PDE2A: variants seen among roughly 807,000 people sequenced by gnomAD.
The protein encoded by PDE2A is cGMP-dependent 3',5'-cyclic phosphodiesterase.
In PDE2A, 53 loss-of-function variants were observed where a neutral mutation model predicts 133.6. The ratio of observed to expected loss-of-function variants is 0.40; its 90% confidence interval spans 0.32 to 0.50. PDE2A has a LOEUF of 0.50. PDE2A is among the 20% of genes least tolerant of loss of function. The probability of loss-of-function intolerance (pLI) is 0.73; values close to 1 mark genes in which losing one functional copy is unlikely to be tolerated. For missense variants in PDE2A, 796 were observed against 1,232.4 expected (o/e 0.65, Z 5.30); for synonymous variants, 491 against 490.2 (o/e 1.00, Z -0.02).
intron 2 of PDE2A, among the ~76,000 whole-genome samples, chr11:72,621,984 C>A (rs182209744): frequency 6.6e-4 from 100 of 152,250 alleles, no homozygotes; most frequent in African/African-American, 2.3e-3. Context: ...AGAACCCCTG[C>A]AATTCAATAA....
chr11:72,596,158 C>T (rs532344911), intron 6 of PDE2A, among the ~76,000 whole-genome samples: 13 of 152,180 alleles, frequency 8.5e-5, no homozygotes, highest in Non-Finnish European at 1.8e-4. Context: ...CCCTCCGCAG[C>T]ATCTCTCTTC....
At chr11:72,642,180 G>T in intron 2 of PDE2A, 74 bp downstream of exon 2, 2 of 1,365,598 alleles carry the variant, frequency 1.5e-6, no homozygotes, top group South Asian at 3.5e-5. Context: ...AGAAGGGTTC[G>T]GGGGCGGGCA....
intron 2 of PDE2A, among the ~76,000 whole-genome samples, chr11:72,609,804 A>G (rs1174906073): frequency 6.6e-6 from 1 of 150,948 alleles, no homozygotes; most frequent in Non-Finnish European, 1.5e-5. Flanking sequence ...ATTAACTGCA[A>G]GATGAAGGAG....
chr11:72,667,062 C>T lies in PDE2A; in HGVS notation c.71+7075G>A, dbSNP rs867457135. Among the ~76,000 whole-genome samples the T allele has an allele frequency of 2.6e-5, 4 of 152,142 alleles. 1 individual carries two copies. Among genetic ancestry groups the T allele is most frequent in the African/African-American group, 9.7e-5 (4 of 41,416 alleles). On this transcript the variant is annotated intron_variant, in intron 1 of 30. Transcript: ENST00000334456. ...CGGAGGTTGCGGTGAGCCGAGATCA[C>T]GCCACTGCACTCCAGTCTGGGTGAG...
At chr11:72,596,173 C>G (rs1013523739) in intron 6 of PDE2A, among the ~76,000 whole-genome samples, 9 of 152,180 alleles carry the variant, frequency 5.9e-5, no homozygotes, top group Non-Finnish European at 1.3e-4. Context: ...CTCTTCACAC[C>G]TCACTTGGTT....
rs573228253 is a variant in PDE2A, at chr11:72,658,533, A to G, written c.71+15604T>C. Among the ~76,000 whole-genome samples the G allele has an allele frequency of 2.6e-5, 4 of 152,164 alleles. No homozygotes were observed. The East Asian group carries it at 7.7e-4, about 29-fold the overall frequency. Reference sequence around the variant, plus strand: ...TTTGAAGTAGAGATGGGATCTCGCTAAGTTACCCAGGCTGGTCTTGAACTC... The same window carrying G: ...TTTGAAGTAGAGATGGGATCTCGCTGAGTTACCCAGGCTGGTCTTGAACTC... On this transcript the variant is annotated intron_variant, in intron 1 of 30. Transcript: ENST00000334456.
rs1479154066 is a variant in PDE2A, at chr11:72,582,190, CA to C, written c.1852-244del. Reference sequence around the variant, plus strand: ...TAGAAAAACAGGGTTGGGAGGGATGCAAACCCTGAGGTCACATGCCCTGGGC... The same window carrying C: ...TAGAAAAACAGGGTTGGGAGGGATGCAACCCTGAGGTCACATGCCCTGGGC... On this transcript the variant is annotated intron_variant, in intron 21 of 30. Transcript: ENST00000334456. The C allele has an allele frequency of 4.3e-5, 26 of 607,438 alleles. No homozygotes were observed. The African/African-American group carries it at 4.6e-4, about 11-fold the overall frequency. 37.6% of individuals were successfully genotyped at this position (607,438 alleles called of 1,614,324 possible). A position where few individuals can be genotyped will look rare whatever the true frequency, so the allele number is the denominator to read the frequency against.
intron 4 of PDE2A, among the ~76,000 whole-genome samples, chr11:72,598,328 T>G (rs1160396838): frequency 6.6e-6 from 1 of 152,092 alleles, no homozygotes; most frequent in Non-Finnish European, 1.5e-5. Flanking sequence ...CCCAAATACC[T>G]GTGGAGGTGT....
chr11:72,592,665 G>T (rs1226368088), intron 6 of PDE2A, among the ~76,000 whole-genome samples: 3 of 152,110 alleles, frequency 2.0e-5, no homozygotes, highest in Non-Finnish European at 2.9e-5. Context: ...AGAAGGAAGG[G>T]CCTTGAGTGC....
chr11:72,600,267 A>G (rs1457482120), intron 4 of PDE2A, among the ~76,000 whole-genome samples: 1 of 152,176 alleles, frequency 6.6e-6, no homozygotes, highest in Admixed American at 6.5e-5. Context: ...GGAGACTGTG[A>G]CACTGGAAAC....
intron 5 of PDE2A, among the ~76,000 whole-genome samples, chr11:72,596,903 G>T (rs1020616270): frequency 1.3e-5 from 2 of 152,182 alleles, no homozygotes; most frequent in Admixed American, 1.3e-4. Context: ...GTTGCAGGGA[G>T]GAAGGCAGGT....
At chr11:72,671,861 C>T (rs755663883) in intron 1 of PDE2A, among the ~76,000 whole-genome samples, 6 of 152,082 alleles carry the variant, frequency 3.9e-5, no homozygotes, top group Non-Finnish European at 7.4e-5. Flanking sequence ...AGAAACACTA[C>T]AAAGATCTCT....
At chr11:72,589,596 T>C (rs1378101694) in intron 11 of PDE2A, among the ~76,000 whole-genome samples, 155 bp downstream of exon 11, 2 of 152,206 alleles carry the variant, frequency 1.3e-5, no homozygotes, top group Non-Finnish European at 2.9e-5. Flanking sequence ...CAGGTTGTGA[T>C]CCCTGCAGCA....
chr11:72,641,250 C>T (rs1257789314), intron 2 of PDE2A, among the ~76,000 whole-genome samples: 1 of 152,226 alleles, frequency 6.6e-6, no homozygotes, highest in East Asian at 1.9e-4. Context: ...CACCTCAGAT[C>T]CCTGGGCATC....
intron 1 of PDE2A, among the ~76,000 whole-genome samples, chr11:72,657,046 C>T (rs914518020): frequency 6.6e-6 from 1 of 152,146 alleles, no homozygotes; most frequent in African/African-American, 2.4e-5. Flanking sequence ...GCTCCCCCAT[C>T]CCACGCTGCT....
Position 72,596,484 on chromosome 11 carries a change from TCACACACACACACA to T in PDE2A, c.489+95_489+108del, listed in dbSNP as rs60716742. ...CTCTCTCTCTCTCTCTCTCTCTCTC[TCACACACACACACA>T]CACACACACACACACACACCCTGGA... On this transcript the variant is annotated intron_variant, in intron 6 of 30. Transcript: ENST00000334456. 2.1e-5 allele frequency: 4 copies of T among 192,346 alleles called. No homozygotes were observed. In the East Asian group the frequency reaches 3.8e-4, roughly 18 times the overall value. The allele number at this position is 192,346 out of a possible 1,614,324, so 11.9% of individuals were successfully genotyped here.
At chr11:72,656,338 C>T (rs546413963) in intron 1 of PDE2A, among the ~76,000 whole-genome samples, 2 of 152,306 alleles carry the variant, frequency 1.3e-5, no homozygotes, top group South Asian at 2.1e-4. Context: ...ATATCAGGCC[C>T]CAGGGCCAGA....
At chr11:72,584,786 A>T in intron 17 of PDE2A, 58 bp from the exon 18 acceptor site, 1 of 1,609,708 alleles carries the variant, frequency 6.2e-7, no homozygotes, top group South Asian at 1.1e-5. Context: ...CACAGAGGGG[A>T]CTGTTAAACC....
At chr11:72,648,667 A>G (rs959147826) in intron 1 of PDE2A, among the ~76,000 whole-genome samples, 1 of 152,262 alleles carries the variant, frequency 6.6e-6, no homozygotes, top group East Asian at 1.9e-4. Flanking sequence ...AAGACCTGCC[A>G]GCTCACAGGG....
Sources: gnomAD v4.1 joint callset for allele counts (sites outside exome capture counted in the v4.1 genomes callset) on GRCh38, gnomAD v4.1.1 for gene constraint, MANE v1.5 for transcripts, NCBI Gene and HGNC (gene_info 2026-07-23, HGNC 2026-07-21) for gene names.